EIF2AK3: variants seen among roughly 807,000 people sequenced by gnomAD.
The protein encoded by EIF2AK3 is eukaryotic translation initiation factor 2 alpha kinase 3.
Under a neutral mutation model 113.5 loss-of-function variants are expected in EIF2AK3, and 50 were observed. The observed-to-expected ratio is 0.44, with a 90% CI of 0.35 to 0.56. The LOEUF is 0.56. Ranked by LOEUF, EIF2AK3 falls within the 20% of genes least tolerant of loss-of-function variation. The pLI, the probability that EIF2AK3 is intolerant of heterozygous loss-of-function variation, is 0.00. For missense variants in EIF2AK3, 1,185 were observed against 1,378.0 expected (o/e 0.86, Z 2.22); for synonymous variants, 448 against 495.4 (o/e 0.90, Z 1.27).
intron 10 of EIF2AK3, among the ~76,000 whole-genome samples, chr2:88,580,685 T>G (rs966169681): frequency 6.6e-6 from 1 of 152,226 alleles, no homozygotes; most frequent in Non-Finnish European, 1.5e-5. Flanking sequence ...TGATGTCTGA[T>G]ATCCCTTATA....
intron 3 of EIF2AK3, among the ~76,000 whole-genome samples, chr2:88,593,741 G>GT (rs1316870016): frequency 1.3e-5 from 2 of 151,822 alleles, no homozygotes; most frequent in African/African-American, 2.4e-5. Flanking sequence ...TTTCAGGTGA[G>GT]TTAAAAAAAA....
At chr2:88,617,452 C>T (rs776051304) in intron 1 of EIF2AK3, among the ~76,000 whole-genome samples, 22 of 152,246 alleles carry the variant, frequency 1.4e-4, no homozygotes, top group Non-Finnish European at 2.5e-4. Context: ...CACACATGGA[C>T]ATAAACATGG....
intron 14 of EIF2AK3, among the ~76,000 whole-genome samples, chr2:88,565,376 T>G (rs567064375): frequency 6.6e-6 from 1 of 150,434 alleles, no homozygotes; most frequent in East Asian, 2.0e-4. Flanking sequence ...GGTTTCACTC[T>G]GTCACCCAGG....
chr2:88,557,529 GC>G lies in EIF2AK3; in HGVS notation c.*206del. Reference sequence around the variant, plus strand: ...AAGAGACTAACAAAGAACAAAGATAGCCCTTTCCTTAAGTATAGCAAAACTC... The same window carrying G: ...AAGAGACTAACAAAGAACAAAGATAGCCTTTCCTTAAGTATAGCAAAACTC... On this transcript the variant is annotated 3_prime_UTR_variant, in exon 17 of 17. Coordinates refer to ENST00000303236, the MANE Select transcript of EIF2AK3 (RefSeq NM_004836.7). The G allele has an allele frequency of 3.3e-6, 2 of 606,196 alleles. No individual in the cohort carries two copies. Among genetic ancestry groups the G allele is most frequent in the Non-Finnish European group, 5.8e-6 (2 of 341,944 alleles). 37.6% of individuals were successfully genotyped at this position (606,196 alleles called of 1,614,324 possible). A position where few individuals can be genotyped will look rare whatever the true frequency, so the allele number is the denominator to read the frequency against.
chr2:88,590,830 T>TA lies in EIF2AK3; in HGVS notation c.989_990insT (p.Glu330AspfsTer17), dbSNP rs1558655052. 2.5e-6 allele frequency: 4 copies of TA among 1,614,120 alleles called. No individual in the cohort carries two copies. The highest frequency in any genetic ancestry group is 3.4e-6 in the Non-Finnish European group (4 of 1,179,988). The stretch of plus-strand genomic sequence containing the variant: ...TGGTGTTAGGTACCTGGTACTCCCA[T>TA]TCCAGATGTCCTCCCTTCTTACTGA... On this transcript the variant is annotated frameshift_variant, in exon 5 of 17. Coordinates refer to ENST00000303236, the MANE Select transcript of EIF2AK3 (RefSeq NM_004836.7). LOFTEE classifies it high-confidence loss of function.
rs1356952939 is a variant in EIF2AK3, at chr2:88,574,874, T to G, written c.2609A>C (p.Asn870Thr). 1.9e-6 allele frequency: 3 copies of G among 1,614,182 alleles called. No individual in the cohort carries two copies. Among genetic ancestry groups the G allele is most frequent in the Admixed American group, 1.7e-5 (1 of 60,022 alleles). ...PTTLSLDLTKNTTEKLQPSSP... is the reference protein window; with the variant it reads ...PTTLSLDLTKTTTEKLQPSSP... ...ACTGGGCTGGAGTTTTTCTGTGGTG[T>G]TTTTAGTGAGATCTAAACTTAAAGT... Residue 870 changes from asparagine to threonine, a missense_variant, in exon 13 of 17, where the codon AAC (asparagine) becomes ACC (threonine). By Grantham distance (65) the Asn-to-Thr change is moderately conservative. Coordinates refer to ENST00000303236, the MANE Select transcript of EIF2AK3 (RefSeq NM_004836.7).
At chr2:88,627,706 C>A (rs971554209), upstream of EIF2AK3, 2 of 165,144 alleles carry the variant, frequency 1.2e-5, no homozygotes, top group African/African-American at 4.8e-5. Context: ...GTGCGCTCAT[C>A]AGTTCCCGGA....
intron 8 of EIF2AK3, among the ~76,000 whole-genome samples, chr2:88,586,982 G>A (rs1183022013): frequency 6.7e-6 from 1 of 149,674 alleles, no homozygotes; most frequent in African/African-American, 2.4e-5. Context: ...CGAGGCAGGT[G>A]GATCACAAGG....
At chr2:88,590,223 G>A (rs947498187) in intron 6 of EIF2AK3, among the ~76,000 whole-genome samples, 1 of 152,168 alleles carries the variant, frequency 6.6e-6, no homozygotes, top group Non-Finnish European at 1.5e-5. Context: ...CGACAAGAGT[G>A]AAACTCCATC....
intron 2 of EIF2AK3, among the ~76,000 whole-genome samples, chr2:88,607,459 C>T (rs1675308148): frequency 6.6e-6 from 1 of 152,196 alleles, no homozygotes; most frequent in Non-Finnish European, 1.5e-5. Context: ...CTAAGACACA[C>T]AAACATGCAC....
intron 9 of EIF2AK3, 94 bp downstream of exon 9, chr2:88,585,747 G>T: frequency 8.3e-7 from 1 of 1,207,258 alleles, no homozygotes; most frequent in South Asian, 1.4e-5. Flanking sequence ...AGCTTTGGTG[G>T]AGCAGTAGGG....
chr2:88,618,751 AC>A (rs1335099314), intron 1 of EIF2AK3, among the ~76,000 whole-genome samples: 4 of 152,338 alleles, frequency 2.6e-5, no homozygotes, highest in African/African-American at 7.2e-5. Flanking sequence ...TCTCTCACTT[AC>A]ATTTTGCTGT....
intron 13 of EIF2AK3, among the ~76,000 whole-genome samples, chr2:88,571,375 G>A (rs913598031): frequency 6.6e-5 from 10 of 152,106 alleles, no homozygotes; most frequent in Middle Eastern, 3.2e-3. Flanking sequence ...CTACACTTAT[G>A]ACTTAAAGCC....
intron 12 of EIF2AK3, 135 bp downstream of exon 12, chr2:88,576,419 C>A (rs1573394302): frequency 1.5e-6 from 2 of 1,337,320 alleles, no homozygotes; most frequent in Non-Finnish European, 1.0e-6. Context: ...GGCTAGAGAA[C>A]TTTTCAAAAC....
At chr2:88,609,142 T>C (rs144515902) in intron 2 of EIF2AK3, among the ~76,000 whole-genome samples, 1 of 152,126 alleles carries the variant, frequency 6.6e-6, no homozygotes, top group African/African-American at 2.4e-5. Context: ...AGCACACACC[T>C]TGCTGAATAA....
At chr2:88,579,832 T>C (rs1674553445) in intron 10 of EIF2AK3, 192 bp from the exon 11 acceptor site, 2 of 534,624 alleles carry the variant, frequency 3.7e-6, no homozygotes, top group East Asian at 3.5e-5. Flanking sequence ...CACATTCTTA[T>C]GTTTCCTAGA....
intron 1 of EIF2AK3, among the ~76,000 whole-genome samples, chr2:88,622,939 T>A (rs958601837): frequency 3.9e-5 from 6 of 152,218 alleles, no homozygotes; most frequent in African/African-American, 1.4e-4. Context: ...TTTCATGTTA[T>A]CTCATTTAAT....
At chr2:88,587,550 G>GA (rs1292866389) in intron 8 of EIF2AK3, among the ~76,000 whole-genome samples, 1 of 152,068 alleles carries the variant, frequency 6.6e-6, no homozygotes, top group Non-Finnish European at 1.5e-5. Flanking sequence ...GTAGTTTTAT[G>GA]AAAAACACAT....
At chr2:88,607,362 C>G (rs1675303501) in intron 2 of EIF2AK3, among the ~76,000 whole-genome samples, 1 of 152,274 alleles carries the variant, frequency 6.6e-6, no homozygotes, top group Non-Finnish European at 1.5e-5. Flanking sequence ...AAATTCTTAG[C>G]TACTATTAAC....
Sources: gnomAD v4.1 joint callset for allele counts (sites outside exome capture counted in the v4.1 genomes callset) on GRCh38, gnomAD v4.1.1 for gene constraint, MANE v1.5 for transcripts, NCBI Gene and HGNC (gene_info 2026-07-23, HGNC 2026-07-21) for gene names.